Variants in LIG1 observed in about 807,000 individuals in gnomAD.
LIG1 encodes the protein ligase I, DNA, ATP-dependent.
A neutral mutation model predicts 115.7 loss-of-function variants in LIG1; 70 were observed. The ratio of observed to expected loss-of-function variants is 0.60; its 90% CI spans 0.50 to 0.74. LIG1 has a LOEUF of 0.74. Ranked by LOEUF, LIG1 falls within the 30% of genes least tolerant of loss-of-function variation. LIG1 has a pLI of 0.00. For missense variants in LIG1, 1,115 were observed against 1,225.6 expected (o/e 0.91, Z 1.35); for synonymous variants, 487 against 495.3 (o/e 0.98, Z 0.22).
At chr19:48,166,129 G>A (rs2036469606) in intron 1 of LIG1, among the ~76,000 whole-genome samples, 1 of 152,246 alleles carries the variant, frequency 6.6e-6, no homozygotes, top group African/African-American at 2.4e-5. Context: ...AGGCACAGTA[G>A]CTCACGCCTG....
chr19:48,138,512 C>G lies in LIG1; in HGVS notation c.1088-824G>C, dbSNP rs377400770. Reference sequence around the variant, plus strand: ...GCGAAACTGCCACAAATGGGAGAGCCGACAGTGTGAGCCTCACCAATGGGA... The same window carrying G: ...GCGAAACTGCCACAAATGGGAGAGCGGACAGTGTGAGCCTCACCAATGGGA... On this transcript the variant is annotated intron_variant, in intron 12 of 27. Coordinates refer to ENST00000263274, the MANE Select transcript of LIG1 (RefSeq NM_000234.3). Among the ~76,000 whole-genome samples, 77 of 152,282 alleles carry G rather than the reference C, an allele frequency of 5.1e-4. No homozygotes were observed. The South Asian group carries it at 0.016, about 31-fold the overall frequency.
Position 48,115,645 on chromosome 19 carries a change from G to A in LIG1, c.*4C>T. 1 of 1,609,958 alleles carries A rather than the reference G, an allele frequency of 6.2e-7. No individual in the cohort carries two copies. The highest frequency in any genetic ancestry group is 8.5e-7 in the Non-Finnish European group (1 of 1,176,222). On this transcript the variant is annotated 3_prime_UTR_variant, in exon 28 of 28. Transcript: ENST00000263274. ...CTGTACCCAGGCCCTAGGAGGGCGA[G>A]GGCTTAGTAGGTATCTTCAGGGTCA...
chr19:48,126,538 G>A (rs191419646), intron 21 of LIG1, among the ~76,000 whole-genome samples: 45 of 151,602 alleles, frequency 3.0e-4, no homozygotes, highest in Non-Finnish European at 1.5e-5. Flanking sequence ...CCTGGGAGGA[G>A]GCAGTTGTAG....
In LIG1 at chr19:48,122,807, G is replaced by A. The variant is rs1045089189; in HGVS notation, c.2232+127C>T. 6 of 867,154 alleles carry A rather than the reference G, an allele frequency of 6.9e-6. No homozygotes were observed. The highest frequency in any genetic ancestry group is 2.4e-4 in the Middle Eastern group (1 of 4,102). 53.7% of individuals were successfully genotyped at this position (867,154 alleles called of 1,614,324 possible). ...GAACTCAGTTGCAGCAGGGGGCTGG[G>A]GTGGGATTGTGAAAAGGGGCCCTGA... On this transcript the variant is annotated intron_variant, in intron 23 of 27. Transcript: ENST00000263274. This position sits in a 1 kb window ranked among gnomAD's most constrained non-coding sequence, Gnocchi z 4.3.
intron 15 of LIG1, 112 bp from the exon 16 acceptor site, chr19:48,135,891 G>A (rs1336528672): frequency 1.1e-5 from 10 of 929,548 alleles, no homozygotes; most frequent in Non-Finnish European, 1.7e-5. Flanking sequence ...GGCCCAAGAC[G>A]CCCCCTCCCC....
In LIG1 at chr19:48,169,360, T is replaced by TA. The variant is rs1291944641; in HGVS notation, c.-58+880dup. Reference sequence around the variant, plus strand: ...AACTGAACAAGGTCTGTAATCTAGTTAACAGAACTGTATTGATGTCAATTT... The same window carrying TA: ...AACTGAACAAGGTCTGTAATCTAGTTAAACAGAACTGTATTGATGTCAATTT... On this transcript the variant is annotated intron_variant, in intron 1 of 27. Coordinates refer to ENST00000263274, the MANE Select transcript of LIG1 (RefSeq NM_000234.3). 5.3e-5 allele frequency among the ~76,000 whole-genome samples: 8 copies of TA among 152,312 alleles called. No individual in the cohort carries two copies. In the South Asian group the frequency reaches 1.2e-3, roughly 24 times the overall value.
chr19:48,120,133 G>A (rs1164625581), intron 24 of LIG1: 6 of 970,878 alleles, frequency 6.2e-6, no homozygotes, highest in South Asian at 4.8e-5. Context: ...GTCACTGATC[G>A]TTTAGGTTAA....
At chr19:48,139,927 T>G (rs1300719044) in intron 12 of LIG1, 44 bp downstream of exon 12, 1 of 1,606,250 alleles carries the variant, frequency 6.2e-7, no homozygotes, top group Non-Finnish European at 8.5e-7. Context: ...TTTCTCTGGC[T>G]GAGCTCCTGT....
chr19:48,130,548 C>T (rs1260278883), intron 19 of LIG1, among the ~76,000 whole-genome samples: 1 of 152,186 alleles, frequency 6.6e-6, no homozygotes, highest in African/African-American at 2.4e-5. Flanking sequence ...CTCCTCCCCG[C>T]GTTCCTGGCT....
At chr19:48,141,410 G>A (rs2034744133) in intron 11 of LIG1, among the ~76,000 whole-genome samples, 1 of 152,178 alleles carries the variant, frequency 6.6e-6, no homozygotes, top group African/African-American at 2.4e-5. Context: ...GGGATTACAG[G>A]CGTGAGCCAA....
chr19:48,117,907 G>A, intron 25 of LIG1, 126 bp from the exon 26 acceptor site: 1 of 944,164 alleles, frequency 1.1e-6, no homozygotes, highest in South Asian at 1.4e-5. Flanking sequence ...AACAGAAATA[G>A]GAAGTGAAAT....
At chr19:48,156,319 C>A (rs537968604) in intron 5 of LIG1, among the ~76,000 whole-genome samples, 125 of 152,286 alleles carry the variant, frequency 8.2e-4, no homozygotes, top group African/African-American at 2.8e-3. Context: ...GAGCCATGGC[C>A]CCGCGCTTGT....
intron 10 of LIG1, 48 bp downstream of exon 10, chr19:48,143,835 T>TGCAACAGG (rs1568519622): frequency 6.7e-7 from 1 of 1,498,454 alleles, no homozygotes; most frequent in South Asian, 1.1e-5. Context: ...GAGCCTCCGG[T>TGCAACAGG]GGCAACAGGG....
At chr19:48,143,819 C>T (rs1006985750) in intron 10 of LIG1, 64 bp downstream of exon 10, 8 of 1,411,896 alleles carry the variant, frequency 5.7e-6, no homozygotes, top group African/African-American at 5.7e-5. Context: ...CAAGACTCTG[C>T]TTAGAGAGCC....
chr19:48,135,649 C>G, intron 16 of LIG1, 31 bp downstream of exon 16: 2 of 1,574,524 alleles, frequency 1.3e-6, no homozygotes, highest in African/African-American at 2.7e-5. Context: ...CCCACAGCCC[C>G]TGGCAACTCC....
intron 7 of LIG1, among the ~76,000 whole-genome samples, chr19:48,150,639 C>T (rs2035412171): frequency 6.6e-6 from 1 of 152,210 alleles, no homozygotes; most frequent in Non-Finnish European, 1.5e-5. Flanking sequence ...GGTTGTCTAA[C>T]TTAATTAATA....
intron 19 of LIG1, among the ~76,000 whole-genome samples, chr19:48,128,344 G>A (rs1391856238): frequency 2.0e-5 from 3 of 151,876 alleles, no homozygotes; most frequent in Non-Finnish European, 4.4e-5. Context: ...GCTCAGCCTC[G>A]CCTACTGGGC....
chr19:48,132,356 T>C (rs1266562467), intron 18 of LIG1, among the ~76,000 whole-genome samples: 2 of 152,040 alleles, frequency 1.3e-5, no homozygotes, highest in East Asian at 1.9e-4. Context: ...GAAGGGGTCA[T>C]GTAGGCACCT....
chr19:48,123,317 G>A lies in LIG1; in HGVS notation c.2006C>T (p.Ser669Phe). 1 of 1,613,242 alleles carries A rather than the reference G, an allele frequency of 6.2e-7. No individual in the cohort carries two copies. Among genetic ancestry groups the A allele is most frequent in the Middle Eastern group, 1.6e-4 (1 of 6,062 alleles). ...AFDLIYLNGE[S>F]LVREPLSRRR... Reference sequence around the variant, plus strand: ...CCGGGAAAGGGGCTCACGTACCAGGGACTGCAGGGCCGGCAGGGAGAAGAG... The same window carrying A: ...CCGGGAAAGGGGCTCACGTACCAGGAACTGCAGGGCCGGCAGGGAGAAGAG... The change falls in exon 22 of 28, where the codon TCC (serine) becomes TTC (phenylalanine). Residue 669 changes from serine to phenylalanine, a missense_variant and splice_region_variant. Ser to Phe is a radical substitution (Grantham distance 155, BLOSUM62 -2). Transcript: ENST00000263274.
Sources: allele counts gnomAD v4.1 joint callset (sites outside exome capture counted in the v4.1 genomes callset), GRCh38; gene constraint gnomAD v4.1.1; non-coding constraint Gnocchi (gnomAD v3.1); transcripts MANE v1.5; gene names NCBI Gene and HGNC (gene_info 2026-07-23, HGNC 2026-07-21).